Variants in WDHD1 observed in about 807,000 individuals in gnomAD.
WDHD1 encodes WD repeat and HMG-box DNA binding protein 1, also known as WD repeat and HMG-box DNA-binding protein 1.
WDHD1 carries 111 observed loss-of-function variants against 135.4 expected under a neutral mutation model. The observed-to-expected ratio is 0.82, with a 90% CI of 0.70 to 0.96. The LOEUF (loss-of-function observed/expected upper bound fraction) is 0.96, where lower values mean the gene tolerates loss of function less well. Ranked by LOEUF, WDHD1 falls within the 40% of genes least tolerant of loss-of-function variation. The probability of loss-of-function intolerance (pLI) is 0.00; values close to 1 mark genes in which losing one functional copy is unlikely to be tolerated. For missense variants in WDHD1, 1,351 were observed against 1,336.3 expected (o/e 1.01, Z -0.17); for synonymous variants, 434 against 439.0 (o/e 0.99, Z 0.14).
chr14:54,953,946 G>C (rs968558452), intron 24 of WDHD1, among the ~76,000 whole-genome samples: 2 of 152,154 alleles, frequency 1.3e-5, no homozygotes, highest in Non-Finnish European at 2.9e-5. Flanking sequence ...CACAGGAAGG[G>C]GAACATCACA....
intron 11 of WDHD1, among the ~76,000 whole-genome samples, chr14:54,995,373 T>C (rs2041860940): frequency 1.0e-5 from 1 of 96,614 alleles, no homozygotes; most frequent in South Asian, 2.7e-4. Flanking sequence ...CTCTGTATTA[T>C]TTCCTTCCAT....
chr14:55,021,524 C>T (rs1331069476), intron 2 of WDHD1, among the ~76,000 whole-genome samples: 1 of 151,918 alleles, frequency 6.6e-6, no homozygotes, highest in Non-Finnish European at 1.5e-5. Context: ...TGTGGGATTA[C>T]AGGCGTATGC....
chr14:55,015,061 TAGG>T (rs1267050253), intron 2 of WDHD1, among the ~76,000 whole-genome samples: 2 of 152,164 alleles, frequency 1.3e-5, no homozygotes, highest in African/African-American at 4.8e-5. Context: ...AGAGAGTAGA[TAGG>T]AGGACTATAA....
chr14:54,990,522 G>A (rs938025593), intron 12 of WDHD1, among the ~76,000 whole-genome samples: 10 of 151,818 alleles, frequency 6.6e-5, no homozygotes, highest in African/African-American at 2.4e-4. Flanking sequence ...CGTGAACCTG[G>A]GAGGCGGAGC....
At chr14:54,959,829 C>G (rs11627963) in intron 21 of WDHD1, among the ~76,000 whole-genome samples, 21,561 of 152,122 alleles carry the variant, frequency 0.14, 1,908 homozygotes, top group Admixed American at 0.21. Flanking sequence ...ACCTTTCCAT[C>G]TAGCCAATAA....
At chr14:54,942,173 C>A (rs1214378481) in intron 25 of WDHD1, among the ~76,000 whole-genome samples, 1 of 151,984 alleles carries the variant, frequency 6.6e-6, no homozygotes, top group African/African-American at 2.4e-5. Context: ...CTAGAGTGAA[C>A]CCGGGAGGTG....
chr14:54,952,248 G>A (rs62417656), intron 24 of WDHD1, among the ~76,000 whole-genome samples: 2 of 152,258 alleles, frequency 1.3e-5, no homozygotes, highest in African/African-American at 4.8e-5. Context: ...AAACCCCGTC[G>A]TCTCAGCCCA....
intron 2 of WDHD1, among the ~76,000 whole-genome samples, chr14:55,015,530 C>T (rs1296358572): frequency 6.6e-6 from 1 of 152,064 alleles, no homozygotes; most frequent in Non-Finnish European, 1.5e-5. Flanking sequence ...GCTATCTCCC[C>T]TTTTCCTACC....
chr14:55,020,815 A>AATT (rs2042333280), intron 2 of WDHD1, among the ~76,000 whole-genome samples: 1 of 152,262 alleles, frequency 6.6e-6, no homozygotes, highest in East Asian at 1.9e-4. Flanking sequence ...TAACATAAAC[A>AATT]ATTAACACAT....
At chr14:54,957,382 C>CA (rs1437568779) in intron 22 of WDHD1, among the ~76,000 whole-genome samples, 178 bp from the exon 23 acceptor site, 3 of 152,164 alleles carry the variant, frequency 2.0e-5, no homozygotes, top group African/African-American at 4.8e-5. Flanking sequence ...ACCACATCCC[C>CA]AAGAAAGACA....
At chr14:54,956,609 T>A (rs2041162870) in intron 23 of WDHD1, among the ~76,000 whole-genome samples, 1 of 152,060 alleles carries the variant, frequency 6.6e-6, no homozygotes, top group East Asian at 1.9e-4. Context: ...CTGCACTCCA[T>A]CCAGCCTGGG....
At position 54,963,104 on chromosome 14, in the gene WDHD1, C is replaced by A. The variant is rs200887287; in HGVS notation, c.2379G>T (p.Val793=). The change falls in exon 19 of 26, where the codon GTG becomes GTT. Residue 793 remains valine (V), a synonymous_variant. Transcript: ENST00000360586. The part of the protein sequence containing the change: ...ELADLMTQNA[V]NLAIKYASRS... ...GAGAAGCATATTTAATGGCTAAATT[C>A]ACAGCATTTTGAGTCATTAGATCAG... is the stretch of plus-strand genomic sequence containing the variant. 6.4e-7 allele frequency: 1 copy of A among 1,552,782 alleles called. No individual in the cohort carries two copies.
chr14:55,007,292 TGGCTGCCAAG>T lies in WDHD1; in HGVS notation c.578_587del (p.Ala193GlufsTer40). 6.3e-7 allele frequency: 1 copy of T among 1,592,290 alleles called. No individual in the cohort carries two copies. The highest frequency in any genetic ancestry group is 8.5e-7 in the Non-Finnish European group (1 of 1,174,344). Reference sequence around the variant, plus strand: ...AAGAATCACTTACCTTCCCACTTTTTGGCTGCCAAGCAAGTCTGCAGATTGATTTTGCATT... The same window carrying T: ...AAGAATCACTTACCTTCCCACTTTTTCAAGTCTGCAGATTGATTTTGCATT... On this transcript the variant is annotated frameshift_variant, in exon 7 of 26. Transcript: ENST00000360586. LOFTEE classifies it high-confidence loss of function.
At chr14:54,992,535 T>C (rs1279223613) in intron 11 of WDHD1, among the ~76,000 whole-genome samples, 1 of 152,104 alleles carries the variant, frequency 6.6e-6, no homozygotes, top group Non-Finnish European at 1.5e-5. Flanking sequence ...AAAATTAAGA[T>C]ATTGGAAAGC....
chr14:55,004,362 T>A (rs1042352154), intron 7 of WDHD1, among the ~76,000 whole-genome samples: 1 of 152,234 alleles, frequency 6.6e-6, no homozygotes, highest in African/African-American at 2.4e-5. Context: ...TAACTTTATG[T>A]TTTATTATCT....
At chr14:54,946,679 G>C (rs1481136119) in intron 24 of WDHD1, among the ~76,000 whole-genome samples, 1 of 152,068 alleles carries the variant, frequency 6.6e-6, no homozygotes, top group Non-Finnish European at 1.5e-5. Context: ...GTAGAGATGG[G>C]GTCTCCCTAC....
intron 24 of WDHD1, among the ~76,000 whole-genome samples, chr14:54,949,964 C>G (rs1057003027): frequency 1.8e-4 from 27 of 152,190 alleles, no homozygotes; most frequent in Non-Finnish European, 2.9e-4. Flanking sequence ...GTCACCACCA[C>G]GCCTGCCCTA....
intron 14 of WDHD1, among the ~76,000 whole-genome samples, chr14:54,986,335 T>A (rs959602541): frequency 2.6e-5 from 4 of 152,168 alleles, no homozygotes; most frequent in African/African-American, 9.7e-5. Flanking sequence ...TTTCTTCTGT[T>A]TTTCTTTTAA....
At position 54,957,580 on chromosome 14, in the gene WDHD1, G is replaced by C. The variant is rs755324832; in HGVS notation, c.2745+12C>G. 6.3e-7 allele frequency: 1 copy of C among 1,588,254 alleles called. No individual in the cohort carries two copies. Among genetic ancestry groups the C allele is most frequent in the Non-Finnish European group, 8.5e-7 (1 of 1,170,142 alleles). On this transcript the variant is annotated intron_variant, in intron 22 of 25. Coordinates refer to ENST00000360586, the MANE Select transcript of WDHD1 (RefSeq NM_007086.4). ...ATTTAAATAATATAAAACATCACTT[G>C]GAAGAGTTTACCTTAAAGGGATTTA... is the stretch of plus-strand genomic sequence containing the variant.
Sources: allele counts gnomAD v4.1 joint callset (sites outside exome capture counted in the v4.1 genomes callset), GRCh38; gene constraint gnomAD v4.1.1; transcripts MANE v1.5; gene names NCBI Gene and HGNC (gene_info 2026-07-23, HGNC 2026-07-21).